SYNE1: variants seen among roughly 807,000 people sequenced by gnomAD.
SYNE1 encodes the protein nesprin-1.
SYNE1 carries 616 observed loss-of-function variants against 1,111.0 expected under a neutral mutation model. That is an observed-to-expected ratio of 0.55 (90% confidence interval 0.52 to 0.59). The LOEUF is 0.59. Among genes scored for constraint, SYNE1 ranks in the 20% least tolerant of loss-of-function variants. SYNE1 has a pLI of 0.00. For synonymous variants in SYNE1, 3,855 were observed against 3,825.8 expected (o/e 1.01, Z -0.28); for missense variants, 10,006 against 10,417.0 (o/e 0.96, Z 1.72).
chr6:152,476,725 C>G (rs1328245775), intron 14 of SYNE1, among the ~76,000 whole-genome samples: 1 of 151,910 alleles, frequency 6.6e-6, no homozygotes, highest in South Asian at 2.1e-4. Flanking sequence ...AAAAATTAGT[C>G]AGGTGTGGTG....
intron 105 of SYNE1, among the ~76,000 whole-genome samples, chr6:152,246,340 A>G (rs1283177709): frequency 6.6e-6 from 1 of 151,992 alleles, no homozygotes; most frequent in Non-Finnish European, 1.5e-5. Flanking sequence ...AACTTTAAAC[A>G]ACAAAAAAAA....
intron 11 of SYNE1, among the ~76,000 whole-genome samples, chr6:152,494,692 TGAAA>T (rs1197612194): frequency 6.6e-6 from 1 of 152,210 alleles, no homozygotes. Context: ...TTACATGGGC[TGAAA>T]GAGTTTTCCT....
chr6:152,167,670 G>A, intron 130 of SYNE1: 2 of 466,612 alleles, frequency 4.3e-6, no homozygotes, highest in Admixed American at 4.9e-5. Flanking sequence ...CCCTGAAATA[G>A]TTTTATTTCA....
At chr6:152,461,387 C>A (rs760590062) in intron 21 of SYNE1, among the ~76,000 whole-genome samples, 2 of 152,066 alleles carry the variant, frequency 1.3e-5, no homozygotes, top group African/African-American at 4.8e-5. Context: ...AGCTATAATA[C>A]TTCTAAATTA....
intron 3 of SYNE1, among the ~76,000 whole-genome samples, chr6:152,606,121 T>C (rs980995258): frequency 3.3e-5 from 5 of 152,164 alleles, no homozygotes; most frequent in African/African-American, 9.7e-5. Flanking sequence ...AAGCCACAGT[T>C]TGTTGTCTGT....
chr6:152,154,059 T>C (rs1243450676), intron 133 of SYNE1, among the ~76,000 whole-genome samples: 4 of 152,228 alleles, frequency 2.6e-5, no homozygotes, highest in African/African-American at 9.7e-5. Flanking sequence ...ATGGTCAGAA[T>C]GCTTCTGAAC....
intron 8 of SYNE1, among the ~76,000 whole-genome samples, chr6:152,506,314 C>G (rs1391933872): frequency 6.6e-6 from 1 of 151,874 alleles, no homozygotes; most frequent in African/African-American, 2.4e-5. Flanking sequence ...AGTGGAGGGC[C>G]TGCAAATATG....
chr6:152,256,910 A>G (rs1240482262), intron 101 of SYNE1, 145 bp from the exon 102 acceptor site: 2 of 1,263,742 alleles, frequency 1.6e-6, no homozygotes, highest in African/African-American at 3.0e-5. Flanking sequence ...ACAACATACC[A>G]TGTCCACTGA....
chr6:152,596,233 G>C (rs1328689466), intron 3 of SYNE1, among the ~76,000 whole-genome samples: 1 of 138,710 alleles, frequency 7.2e-6, no homozygotes, highest in African/African-American at 2.7e-5. Flanking sequence ...CCATTTTCTT[G>C]TTTTAAAAAG....
chr6:152,625,624 C>A (rs1260676484), intron 3 of SYNE1, among the ~76,000 whole-genome samples: 1 of 152,106 alleles, frequency 6.6e-6, no homozygotes, highest in Non-Finnish European at 1.5e-5. Context: ...TACCCTTATG[C>A]CACCTTATAA....
chr6:152,291,281 A>G (rs937351815), intron 95 of SYNE1, among the ~76,000 whole-genome samples: 5 of 146,594 alleles, frequency 3.4e-5, no homozygotes, highest in African/African-American at 1.2e-4. Context: ...CAATTATATT[A>G]ATATGATATA....
intron 52 of SYNE1, among the ~76,000 whole-genome samples, 187 bp from the exon 53 acceptor site, chr6:152,390,639 C>T (rs2097597896): frequency 6.6e-6 from 1 of 152,102 alleles, no homozygotes; most frequent in Non-Finnish European, 1.5e-5. Context: ...GTCTAGGAGT[C>T]AAAGATTAAT....
chr6:152,274,547 A>C (rs962012023), intron 98 of SYNE1, among the ~76,000 whole-genome samples: 5 of 151,250 alleles, frequency 3.3e-5, no homozygotes, highest in Admixed American at 2.6e-4. Context: ...GTCATACAGA[A>C]CTTTTTTATT....
intron 124 of SYNE1, among the ~76,000 whole-genome samples, chr6:152,209,546 T>G (rs2077136382): frequency 6.6e-6 from 1 of 152,016 alleles, no homozygotes; most frequent in African/African-American, 2.4e-5. Flanking sequence ...GGTCAGGAGT[T>G]TGAGACCAGC....
rs547748237 is a variant in SYNE1 at position 152,449,798 on chromosome 6, C to G, written c.3396-157G>C. ...GAAACTATTCTTTTAACATGAAGCT[C>G]ATGTTAAAGGGCAGGGGTGGCCGCC... is the stretch of plus-strand genomic sequence containing the variant. On this transcript the variant is annotated intron_variant, in intron 27 of 145. Transcript: ENST00000367255. 1.1e-4 allele frequency among the ~76,000 whole-genome samples: 17 copies of G among 152,210 alleles called. No individual in the cohort carries two copies. In the South Asian group the frequency reaches 2.7e-3, roughly 24 times the overall value.
chr6:152,465,515 C>A (rs776264939), intron 17 of SYNE1, 55 bp from the exon 18 acceptor site: 6 of 1,517,232 alleles, frequency 4.0e-6, no homozygotes, highest in Non-Finnish European at 4.5e-6. Context: ...ATCCTCTACA[C>A]CTTTTTTTCT....
At chr6:152,296,575 T>C (rs1010128755) in intron 93 of SYNE1, among the ~76,000 whole-genome samples, 1 of 152,244 alleles carries the variant, frequency 6.6e-6, no homozygotes, top group Non-Finnish European at 1.5e-5. Flanking sequence ...GCCACAGCCT[T>C]GGTTCAAGTT....
intron 100 of SYNE1, among the ~76,000 whole-genome samples, chr6:152,265,820 G>A (rs1014453290): frequency 6.6e-6 from 1 of 152,164 alleles, no homozygotes; most frequent in South Asian, 2.1e-4. Flanking sequence ...TTCCTTACAC[G>A]GCAAATGTGT....
At chr6:152,324,227 C>T (rs1181695101) in intron 81 of SYNE1, among the ~76,000 whole-genome samples, 3 of 151,688 alleles carry the variant, frequency 2.0e-5, no homozygotes, top group African/African-American at 4.8e-5. Context: ...GGAGAAACCC[C>T]GTCTCTACTA....
Sources: gnomAD v4.1 joint callset for allele counts (sites outside exome capture counted in the v4.1 genomes callset) on GRCh38, gnomAD v4.1.1 for gene constraint, MANE v1.5 for transcripts, NCBI Gene and HGNC (gene_info 2026-07-23, HGNC 2026-07-21) for gene names.